Variants in C5 observed in about 807,000 individuals in gnomAD.
The protein encoded by C5 is complement C5, also known as C3 and PZP-like alpha-2-macroglobulin domain-containing protein 4.
Under a neutral mutation model 218.8 loss-of-function variants are expected in C5, and 140 were observed. The ratio of observed to expected loss-of-function variants is 0.64; its 90% CI spans 0.56 to 0.74. The LOEUF (loss-of-function observed/expected upper bound fraction) is 0.74. Among genes scored for constraint, C5 ranks in the 30% least tolerant of loss-of-function variants. The pLI is 0.00. For synonymous variants in C5, 614 were observed against 682.3 expected, an observed-to-expected ratio of 0.90 and a Z score of 1.56; for missense variants, 1,700 against 1,969.6, an observed-to-expected ratio of 0.86 and a Z score of 2.59.
Position 120,960,218 on chromosome 9 carries a change from A to G in C5, c.4678+30T>C, listed in dbSNP as rs41273406. On this transcript the variant is annotated intron_variant, in intron 38 of 40. Transcript: ENST00000223642. ...CACATATTCATAAAATTTCATGTTT[A>G]AAGGAGCTATATTGAACTTTTGAAC... The G allele has an allele frequency of 5.3e-3, 7,341 of 1,382,630 alleles. 27 individuals carry two copies. The highest frequency in any genetic ancestry group is 6.8e-3 in the Non-Finnish European group (6,642 of 970,086). 85.6% of individuals were successfully genotyped at this position (1,382,630 alleles called of 1,614,324 possible). A position where few individuals can be genotyped will look rare whatever the true frequency, so the allele number is the denominator to read the frequency against.
intron 20 of C5, among the ~76,000 whole-genome samples, chr9:120,998,682 A>G (rs1191173190): frequency 6.6e-6 from 1 of 152,204 alleles, no homozygotes; most frequent in Admixed American, 6.5e-5. Context: ...CTGGTGATGG[A>G]AACTGGTTGC....
At position 120,974,714 on chromosome 9, in the gene C5, A is replaced by G. The variant is rs2046939779; in HGVS notation, c.4017+65T>C. 2.2e-6 allele frequency: 3 copies of G among 1,358,440 alleles called. No homozygotes were observed. In the South Asian group the frequency reaches 3.5e-5, roughly 16 times the overall value. The allele number at this position is 1,358,440 out of a possible 1,614,324, so 84.1% of individuals were successfully genotyped here. On this transcript the variant is annotated intron_variant, in intron 30 of 40. Coordinates refer to ENST00000223642, the MANE Select transcript of C5 (RefSeq NM_001735.3). ...GAAGAGATAGATTTATAAAATAAAG[A>G]GTGGAACAGATGATTTCAATGGTCT... is the stretch of plus-strand genomic sequence containing the variant.
intron 5 of C5, among the ~76,000 whole-genome samples, chr9:121,033,691 T>C (rs1564161121): frequency 6.6e-6 from 1 of 152,268 alleles, no homozygotes; most frequent in Non-Finnish European, 1.5e-5. Flanking sequence ...TTATCCAAGT[T>C]ATTTAAAACC....
chr9:120,979,785 G>T, intron 28 of C5: 1 of 367,788 alleles, frequency 2.7e-6, no homozygotes, highest in South Asian at 2.4e-5. Context: ...CTACTGAGGT[G>T]GGAAGATCAC....
At position 121,005,899 on chromosome 9, in the gene C5, A is replaced by G. The variant is rs1021398553; in HGVS notation, c.2562+20T>C. The G allele has an allele frequency of 2.5e-6, 4 of 1,611,568 alleles. No homozygotes were observed. The highest frequency in any genetic ancestry group is 3.4e-6 in the Non-Finnish European group (4 of 1,178,054). ...CCAGAGAATGTTTCCTTTATCCCAT[A>G]AATATTAACACCTACTTACCTGCAT... On this transcript the variant is annotated intron_variant, in intron 20 of 40. Coordinates refer to ENST00000223642, the MANE Select transcript of C5 (RefSeq NM_001735.3).
At chr9:121,044,298 A>C (rs2047606512) in intron 2 of C5, among the ~76,000 whole-genome samples, 1 of 152,124 alleles carries the variant, frequency 6.6e-6, no homozygotes, top group African/African-American at 2.4e-5. Flanking sequence ...AACATGGTGA[A>C]ACACCTTCTT....
the C5 span, among the ~76,000 whole-genome samples, chr9:121,070,958 G>A: frequency 6.6e-6 from 1 of 152,152 alleles, no homozygotes; most frequent in Non-Finnish European, 1.5e-5. Context: ...ACATTTATAT[G>A]TATTAAAACA....
chr9:120,958,403 T>C (rs1445674787), intron 38 of C5, among the ~76,000 whole-genome samples: 1 of 152,240 alleles, frequency 6.6e-6, no homozygotes, highest in Non-Finnish European at 1.5e-5. Flanking sequence ...ATTTATTCTC[T>C]GTGTTAAAAT....
At chr9:121,018,574 AAAGAAAGGAAGGAAGG>A (rs2047329485) in intron 12 of C5, among the ~76,000 whole-genome samples, 1 of 95,790 alleles carries the variant, frequency 1.0e-5, no homozygotes, top group South Asian at 4.9e-4. Flanking sequence ...ACTCCACCAA[AAAGAAAGGAAGGAAGG>A]AAGGAAGGAA....
chr9:121,053,742 T>C (rs1308464165), upstream of C5, among the ~76,000 whole-genome samples: 1 of 151,860 alleles, frequency 6.6e-6, no homozygotes, highest in African/African-American at 2.4e-5. Context: ...GAGAGCAAAG[T>C]GAGTGTGGGA....
chr9:120,982,560 T>A, intron 26 of C5, 95 bp downstream of exon 26: 1 of 1,043,032 alleles, frequency 9.6e-7, no homozygotes, highest in South Asian at 1.4e-5. Flanking sequence ...AGAATTACAT[T>A]TTTTTCTTCT....
In C5 at chr9:121,025,417, T is replaced by TACACACACACACAC. The variant is rs748041485; in HGVS notation, c.1000+36_1000+37insGTGTGTGTGTGTGT. 596 of 191,036 alleles carry TACACACACACACAC rather than the reference T, an allele frequency of 3.1e-3. 1 individual carries two copies. The highest frequency in any genetic ancestry group is 0.019 in the African/African-American group (531 of 28,218). 11.8% of individuals were successfully genotyped at this position (191,036 alleles called of 1,614,324 possible). A position where few individuals can be genotyped will look rare whatever the true frequency, so the allele number is the denominator to read the frequency against. ...TGTCTAAATATTTTTCAAAAGAAAG[T>TACACACACACACAC]ATACACACACACACACACACACACA... On this transcript the variant is annotated intron_variant, in intron 9 of 40. Transcript: ENST00000223642.
At chr9:121,040,625 C>T (rs1042278202) in intron 3 of C5, among the ~76,000 whole-genome samples, 2 of 152,138 alleles carry the variant, frequency 1.3e-5, no homozygotes, top group Admixed American at 6.5e-5. Context: ...TTTCCTAGTG[C>T]TTACTGTGTG....
intron 7 of C5, among the ~76,000 whole-genome samples, 156 bp from the exon 8 acceptor site, chr9:121,027,430 C>A (rs1209344406): frequency 6.6e-6 from 1 of 152,114 alleles, no homozygotes; most frequent in Admixed American, 6.5e-5. Flanking sequence ...ATCATGCTAC[C>A]TGACTTCAAA....
chr9:120,989,615 G>A lies in C5; in HGVS notation c.3107C>T (p.Ser1036Phe). The change falls in exon 24 of 41, where the codon TCT becomes TTT. Residue 1036 changes from serine to phenylalanine, a missense_variant. Physicochemically the swap from Ser to Phe is radical, Grantham distance 155. Transcript: ENST00000223642. ...ETGNHWNIFHSDPLIEKQKLK... is the reference protein window; with the variant it reads ...ETGNHWNIFHFDPLIEKQKLK... ...TTTCTGCTTTTCAATTAATGGGTCA[G>A]AATGAAAAATGTTCCAATGATTTCC... 6.2e-7 allele frequency: 1 copy of A among 1,612,440 alleles called. No homozygotes were observed. The highest frequency in any genetic ancestry group is 8.5e-7 in the Non-Finnish European group (1 of 1,179,242).
Position 120,989,575 on chromosome 9 carries a change from T to A in C5, c.3147A>T (p.Leu1049Phe). The A allele has an allele frequency of 6.3e-7, 1 of 1,596,966 alleles. No individual in the cohort carries two copies. The highest frequency in any genetic ancestry group is 8.6e-7 in the Non-Finnish European group (1 of 1,167,968). The change falls in exon 24 of 41, where the codon TTA (leucine) becomes TTT (phenylalanine). Residue 1049 changes from leucine to phenylalanine, a missense_variant. Physicochemically the swap from Leu to Phe is conservative, Grantham distance 22. Coordinates refer to ENST00000223642, the MANE Select transcript of C5 (RefSeq NM_001735.3). ...AATACTTTTTTTTTTTACCTTCTTT[T>A]AATTTTTTCTTCAGTTTCTGCTTTT... is the stretch of plus-strand genomic sequence containing the variant. Reference protein sequence around the residue: ...LIEKQKLKKKLKEGMLSIMSY... With the variant: ...LIEKQKLKKKFKEGMLSIMSY...
rs771790432 is a variant in C5, at chr9:121,014,031, TAAC to T, written c.2096_2098del (p.Cys699del). 3.7e-6 allele frequency: 6 copies of T among 1,614,200 alleles called. No individual in the cohort carries two copies. Among genetic ancestry groups the T allele is most frequent in the East Asian group, 2.2e-5 (1 of 44,884 alleles). On this transcript the variant is annotated inframe_deletion, in exon 17 of 41. Coordinates refer to ENST00000223642, the MANE Select transcript of C5 (RefSeq NM_001735.3). ...ATCATTATTAACGCAGGCTCCATCG[TAAC>T]AACATTTCTTCACTACTGAATGTTT...
intron 23 of C5, among the ~76,000 whole-genome samples, chr9:120,990,400 G>A (rs2047068312): frequency 6.6e-6 from 1 of 152,214 alleles, no homozygotes; most frequent in South Asian, 2.1e-4. Context: ...GAGGGGAGGA[G>A]AATCCCTGCT....
At chr9:121,060,920 G>C in the C5 span, among the ~76,000 whole-genome samples, 2 of 152,146 alleles carry the variant, frequency 1.3e-5, no homozygotes, top group Non-Finnish European at 2.9e-5. Context: ...GGGCGAAGTG[G>C]CTCACACCTG....
Sources: gnomAD v4.1 joint callset for allele counts (sites outside exome capture counted in the v4.1 genomes callset) on GRCh38, gnomAD v4.1.1 for gene constraint, MANE v1.5 for transcripts, NCBI Gene and HGNC (gene_info 2026-07-23, HGNC 2026-07-21) for gene names.